Variants in FAM13A observed in about 807,000 individuals in gnomAD.
The protein encoded by FAM13A is family with sequence similarity 13 member A, also known as protein FAM13A.
Under a neutral mutation model 129.6 loss-of-function variants are expected in FAM13A, and 76 were observed. That is an observed-to-expected ratio of 0.59 (90% CI 0.49 to 0.71). FAM13A has a LOEUF of 0.71. Ranked by LOEUF, FAM13A falls within the 30% of genes least tolerant of loss-of-function variation. The pLI is 0.00. For missense variants in FAM13A, 1,108 were observed against 1,249.3 expected (o/e 0.89, Z 1.70); for synonymous variants, 443 against 449.9 (o/e 0.98, Z 0.20).
intron 3 of FAM13A, among the ~76,000 whole-genome samples, chr4:89,003,447 C>T (rs969528949): frequency 7.9e-5 from 12 of 151,806 alleles, no homozygotes; most frequent in Admixed American, 7.9e-4. Context: ...CCTGTCTCTA[C>T]TAAAAATATA....
At chr4:88,835,622 T>C (rs184845031) in intron 7 of FAM13A, among the ~76,000 whole-genome samples, 16 of 152,228 alleles carry the variant, frequency 1.1e-4, no homozygotes, top group Admixed American at 7.2e-4. Context: ...TGCAACTAGA[T>C]TGTCCCATCT....
intron 2 of FAM13A, among the ~76,000 whole-genome samples, chr4:89,023,010 C>A (rs1315388451): frequency 2.0e-5 from 3 of 152,174 alleles, no homozygotes; most frequent in Non-Finnish European, 4.4e-5. Context: ...ACAGAGGACA[C>A]AACTAAGATG....
At chr4:88,997,457 C>T (rs2149041668) in intron 3 of FAM13A, among the ~76,000 whole-genome samples, 1 of 152,196 alleles carries the variant, frequency 6.6e-6, no homozygotes, top group South Asian at 2.1e-4. Context: ...ACATAGCATA[C>T]AGACAAATCT....
intron 2 of FAM13A, among the ~76,000 whole-genome samples, chr4:89,021,874 A>G (rs1006919961): frequency 2.7e-3 from 114 of 41,952 alleles, no homozygotes; most frequent in African/African-American, 8.8e-3. Flanking sequence ...GAATACAGGA[A>G]AAAAAAAACA....
At chr4:88,885,266 A>G (rs548713099) in intron 6 of FAM13A, among the ~76,000 whole-genome samples, 19 of 152,192 alleles carry the variant, frequency 1.2e-4, no homozygotes, top group Non-Finnish European at 2.1e-4. Flanking sequence ...AAACTATACT[A>G]TAAGGCCATA....
chr4:88,763,114 G>T (rs776564828), intron 13 of FAM13A, among the ~76,000 whole-genome samples: 4 of 152,188 alleles, frequency 2.6e-5, no homozygotes, highest in Non-Finnish European at 5.9e-5. Context: ...AAGACTTTCA[G>T]TGAGTAAATT....
intron 7 of FAM13A, among the ~76,000 whole-genome samples, chr4:88,817,553 ACT>A (rs1731003759): frequency 6.6e-6 from 1 of 150,790 alleles, no homozygotes; most frequent in Non-Finnish European, 1.5e-5. Context: ...ACAGAGCAAG[ACT>A]CTGTCTCAAA....
At chr4:88,832,539 GA>G (rs1734064006) in intron 7 of FAM13A, among the ~76,000 whole-genome samples, 1 of 151,752 alleles carries the variant, frequency 6.6e-6, no homozygotes, top group Non-Finnish European at 1.5e-5. Flanking sequence ...AAATTTACAA[GA>G]AAAAAACCAA....
At chr4:88,784,236 C>A (rs1723537482) in intron 10 of FAM13A, among the ~76,000 whole-genome samples, 1 of 152,192 alleles carries the variant, frequency 6.6e-6, no homozygotes, top group African/African-American at 2.4e-5. Flanking sequence ...TTCGATTACA[C>A]TATAGATCCA....
rs1025722744 is a variant in FAM13A at position 88,923,014 on chromosome 4, T to G, written c.759+15074A>C. The stretch of plus-strand genomic sequence containing the variant: ...GACTAAACCAGGAAGAAGTTGAATC[T>G]CTGAATAGACCAATAACAGGCTCTG... On this transcript the variant is annotated intron_variant, in intron 5 of 23. Transcript: ENST00000264344. Among the ~76,000 whole-genome samples the G allele has an allele frequency of 4.3e-4, 66 of 152,108 alleles. 1 individual carries two copies. Among genetic ancestry groups the G allele is most frequent in the African/African-American group, 7.7e-4 (32 of 41,412 alleles).
intron 7 of FAM13A, among the ~76,000 whole-genome samples, chr4:88,815,378 T>C (rs1730527494): frequency 6.6e-6 from 1 of 152,192 alleles, no homozygotes; most frequent in Non-Finnish European, 1.5e-5. Flanking sequence ...AAAACTAAAA[T>C]CAATTTCCAT....
intron 5 of FAM13A, among the ~76,000 whole-genome samples, chr4:88,921,554 C>G (rs541592513): frequency 7.2e-5 from 11 of 152,254 alleles, no homozygotes; most frequent in African/African-American, 2.2e-4. Context: ...GAAGGAAGCA[C>G]TAAACATGGA....
intron 17 of FAM13A, among the ~76,000 whole-genome samples, chr4:88,748,475 T>C (rs1741851613): frequency 6.6e-6 from 1 of 152,346 alleles, no homozygotes; most frequent in South Asian, 2.1e-4. Flanking sequence ...GCCCAGCCAC[T>C]GGCCAACCTT....
At chr4:88,978,836 T>C (rs1398510245) in intron 4 of FAM13A, among the ~76,000 whole-genome samples, 6 of 152,002 alleles carry the variant, frequency 3.9e-5, no homozygotes, top group Non-Finnish European at 7.4e-5. Flanking sequence ...CACAAATTGA[T>C]ATAAAGAATT....
At chr4:89,044,900 T>C (rs926691662) in intron 1 of FAM13A, among the ~76,000 whole-genome samples, 1 of 151,020 alleles carries the variant, frequency 6.6e-6, no homozygotes, top group African/African-American at 2.4e-5. Context: ...GGAAGGACAA[T>C]GGCTACCAGG....
chr4:88,806,902 A>G (rs1728668550), intron 7 of FAM13A, among the ~76,000 whole-genome samples: 1 of 152,196 alleles, frequency 6.6e-6, no homozygotes, highest in Non-Finnish European at 1.5e-5. Context: ...CCTAGAAAAC[A>G]CTAAACAAAA....
At chr4:88,753,674 C>G in intron 14 of FAM13A, 1 of 863,618 alleles carries the variant, frequency 1.2e-6, no homozygotes, top group Non-Finnish European at 1.4e-6. Flanking sequence ...TAATTTAAGG[C>G]TTCTATTCAA....
At chr4:88,970,348 A>C (rs143332827) in intron 4 of FAM13A, among the ~76,000 whole-genome samples, 2 of 152,096 alleles carry the variant, frequency 1.3e-5, no homozygotes, top group Non-Finnish European at 2.9e-5. Context: ...GAGGCTATAC[A>C]AGCACCAAAT....
chr4:88,842,811 G>GA (rs1425052902), intron 7 of FAM13A, among the ~76,000 whole-genome samples: 1 of 151,856 alleles, frequency 6.6e-6, no homozygotes, highest in East Asian at 1.9e-4. Context: ...AACAGAATTA[G>GA]AAAAAAAATT....
Sources: allele counts gnomAD v4.1 joint callset (sites outside exome capture counted in the v4.1 genomes callset), GRCh38; gene constraint gnomAD v4.1.1; transcripts MANE v1.5; gene names NCBI Gene and HGNC (gene_info 2026-07-23, HGNC 2026-07-21).